Variants in PCCA observed in about 807,000 individuals in gnomAD.
The protein encoded by PCCA is propionyl-CoA carboxylase alpha chain, mitochondrial.
In PCCA, 74 loss-of-function variants were observed where a neutral mutation model predicts 101.3. The ratio of observed to expected loss-of-function variants is 0.73; its 90% confidence interval spans 0.61 to 0.89. The LOEUF is 0.89. PCCA is among the 40% of genes least tolerant of loss of function. The pLI is 0.00. For synonymous variants in PCCA, 294 were observed against 313.6 expected, an observed-to-expected ratio of 0.94 and a Z score of 0.66; for missense variants, 891 against 907.0, an observed-to-expected ratio of 0.98 and a Z score of 0.23.
At chr13:100,228,464 AATC>A (rs2060278654) in intron 7 of PCCA, among the ~76,000 whole-genome samples, 1 of 152,246 alleles carries the variant, frequency 6.6e-6, no homozygotes, top group African/African-American at 2.4e-5. Context: ...TGTGTCATGT[AATC>A]ATAGATGTGA....
chr13:100,370,427 C>T (rs2152814720), intron 19 of PCCA, among the ~76,000 whole-genome samples: 1 of 152,214 alleles, frequency 6.6e-6, no homozygotes, highest in Non-Finnish European at 1.5e-5. Context: ...TCTGGCCTGA[C>T]TGCATACGTG....
intron 12 of PCCA, 136 bp from the exon 13 acceptor site, chr13:100,301,324 G>A: frequency 2.3e-6 from 2 of 888,648 alleles, no homozygotes; most frequent in African/African-American, 3.3e-5. Flanking sequence ...TAGCTCAAGA[G>A]TTTTTTAGTC....
chr13:100,327,915 A>G (rs1202008276), intron 16 of PCCA, among the ~76,000 whole-genome samples: 1 of 151,778 alleles, frequency 6.6e-6, no homozygotes, highest in Non-Finnish European at 1.5e-5. Context: ...GGTAGATACA[A>G]CTCCCTTGTT....
chr13:100,142,760 C>T (rs1322456689), intron 4 of PCCA, among the ~76,000 whole-genome samples: 2 of 152,194 alleles, frequency 1.3e-5, no homozygotes, highest in East Asian at 1.9e-4. Flanking sequence ...AGGCATGAGC[C>T]ACCACACCCA....
intron 21 of PCCA, among the ~76,000 whole-genome samples, chr13:100,508,483 G>A (rs557086285): frequency 1.3e-5 from 2 of 152,142 alleles, no homozygotes; most frequent in Admixed American, 6.5e-5. Flanking sequence ...AAATGGCAGC[G>A]GACGAGTGTT....
intron 12 of PCCA, among the ~76,000 whole-genome samples, chr13:100,294,274 AT>A (rs2065351164): frequency 6.6e-6 from 1 of 152,094 alleles, no homozygotes; most frequent in Non-Finnish European, 1.5e-5. Flanking sequence ...TTTAAAGACC[AT>A]GTCTCCAAAT....
At chr13:100,373,099 C>T (rs1480593940) in intron 19 of PCCA, among the ~76,000 whole-genome samples, 2 of 151,954 alleles carry the variant, frequency 1.3e-5, no homozygotes, top group East Asian at 1.9e-4. Flanking sequence ...AACTCAATAA[C>T]AAAAAACAAT....
At chr13:100,256,016 C>T (rs1447005306) in intron 8 of PCCA, among the ~76,000 whole-genome samples, 1 of 152,030 alleles carries the variant, frequency 6.6e-6, no homozygotes, top group Non-Finnish European at 1.5e-5. Context: ...TTTAAATAGC[C>T]CTTTCTTTTT....
At chr13:100,337,035 C>T (rs999863372) in intron 17 of PCCA, among the ~76,000 whole-genome samples, 5 of 152,122 alleles carry the variant, frequency 3.3e-5, no homozygotes, top group African/African-American at 9.7e-5. Flanking sequence ...AGAGGGTAAA[C>T]CAAGTGTCAG....
intron 9 of PCCA, 86 bp downstream of exon 9, chr13:100,257,759 C>T (rs2062173459): frequency 4.6e-6 from 4 of 875,630 alleles, no homozygotes; most frequent in African/African-American, 1.6e-5. Flanking sequence ...ATACCAAAAG[C>T]ATAATGGAGT....
chr13:100,335,250 A>T (rs2070259959), intron 17 of PCCA, among the ~76,000 whole-genome samples: 1 of 152,210 alleles, frequency 6.6e-6, no homozygotes, highest in Non-Finnish European at 1.5e-5. Context: ...ACCAGTTTTT[A>T]GGTAAGATGA....
chr13:100,139,790 T>A (rs1376652320), intron 4 of PCCA, among the ~76,000 whole-genome samples: 1 of 152,222 alleles, frequency 6.6e-6, no homozygotes, highest in African/African-American at 2.4e-5. Context: ...TTAGATATTT[T>A]GAGTATGATG....
chr13:100,216,874 C>T (rs1461256891), intron 7 of PCCA, among the ~76,000 whole-genome samples: 2 of 152,022 alleles, frequency 1.3e-5, no homozygotes, highest in East Asian at 1.9e-4. Context: ...TTTGGGAGGC[C>T]GAGGTGGGCG....
At chr13:100,335,249 T>G (rs1889683) in intron 17 of PCCA, among the ~76,000 whole-genome samples, 145,944 of 152,282 alleles carry the variant, frequency 0.96, 70,256 homozygotes, top group East Asian at 1. Context: ...AACCAGTTTT[T>G]AGGTAAGATG....
chr13:100,354,613 T>C (rs1290553957), intron 18 of PCCA, among the ~76,000 whole-genome samples: 1 of 152,050 alleles, frequency 6.6e-6, no homozygotes, highest in African/African-American at 2.4e-5. Flanking sequence ...GTAGATAGGC[T>C]GACCAAAAGA....
intron 6 of PCCA, among the ~76,000 whole-genome samples, chr13:100,172,031 CAA>C (rs3034651): frequency 0.013 from 1,265 of 100,744 alleles, 19 homozygotes; most frequent in African/African-American, 0.042. Context: ...GACTCTGTCT[CAA>C]AAAAAAAAAA....
intron 20 of PCCA, among the ~76,000 whole-genome samples, chr13:100,441,025 AC>A (rs2080329572): frequency 6.6e-6 from 1 of 152,160 alleles, no homozygotes; most frequent in South Asian, 2.1e-4. Flanking sequence ...ATGCAAGGCT[AC>A]CTGCTTTTGT....
At chr13:100,330,299 C>T (rs925811406) in intron 16 of PCCA, among the ~76,000 whole-genome samples, 1 of 152,126 alleles carries the variant, frequency 6.6e-6, no homozygotes, top group African/African-American at 2.4e-5. Context: ...ATTCACGGCC[C>T]AAAACCACAA....
At chr13:100,282,581 G>GT (rs1390068351) in intron 12 of PCCA, among the ~76,000 whole-genome samples, 8 of 152,244 alleles carry the variant, frequency 5.3e-5, no homozygotes, top group African/African-American at 1.9e-4. Flanking sequence ...GCCAGCGGCT[G>GT]TGGAGGTTGT....
Sources: gnomAD v4.1 joint callset for allele counts (sites outside exome capture counted in the v4.1 genomes callset) on GRCh38, gnomAD v4.1.1 for gene constraint, MANE v1.5 for transcripts, NCBI Gene and HGNC (gene_info 2026-07-23, HGNC 2026-07-21) for gene names.